The following ARHGEF26 variants were observed in gnomAD, a reference collection of about 807,000 sequenced individuals.
ARHGEF26 encodes Rho guanine nucleotide exchange factor 26.
Under a neutral mutation model 89.4 loss-of-function variants are expected in ARHGEF26, and 59 were observed. The ratio of observed to expected loss-of-function variants is 0.66; its 90% confidence interval spans 0.54 to 0.82. The LOEUF (loss-of-function observed/expected upper bound fraction) is 0.82, where lower values mean the gene tolerates loss of function less well. Ranked by LOEUF, ARHGEF26 falls within the 40% of genes least tolerant of loss-of-function variation. The probability of loss-of-function intolerance (pLI) is 0.00; values close to 1 mark genes in which losing one functional copy is unlikely to be tolerated. For missense variants in ARHGEF26, 1,234 were observed against 1,085.6 expected (o/e 1.14, Z -1.92); for synonymous variants, 500 against 428.4 (o/e 1.17, Z -2.06).
At chr3:154,239,293 AGAGAGAGTGTGTGTGT>A (rs1559920580) in intron 11 of ARHGEF26, among the ~76,000 whole-genome samples, 751 of 58,870 alleles carry the variant, frequency 0.013, 6 homozygotes, top group African/African-American at 0.039. Context: ...AGAGAGAGAG[AGAGAGAGTGTGTGTGT>A]GTGTGTGTGT....
Position 154,256,858 on chromosome 3 carries a change from T to C in ARHGEF26, c.*1385T>C. 2 of 1,533,834 alleles carry C rather than the reference T, an allele frequency of 1.3e-6. No homozygotes were observed. The highest frequency in any genetic ancestry group is 8.7e-7 in the Non-Finnish European group (1 of 1,146,122). ...TGTGAGTTTCTATAGAACTTTACTTTTTCCACTAGTGCACAGAGAGAGAAA... is the reference window on the plus strand; with the variant it reads ...TGTGAGTTTCTATAGAACTTTACTTCTTCCACTAGTGCACAGAGAGAGAAA... On this transcript the variant is annotated 3_prime_UTR_variant, in exon 15 of 15. Coordinates refer to ENST00000465093, the MANE Select transcript of ARHGEF26 (RefSeq NM_015595.4).
At chr3:154,190,278 G>A (rs993347285) in intron 7 of ARHGEF26, among the ~76,000 whole-genome samples, 2 of 152,132 alleles carry the variant, frequency 1.3e-5, no homozygotes, top group Admixed American at 6.5e-5. Context: ...TTGGGAGGCC[G>A]AGGCAGGTGG....
intron 9 of ARHGEF26, among the ~76,000 whole-genome samples, chr3:154,196,110 G>C (rs1714275779): frequency 6.6e-6 from 1 of 151,950 alleles, no homozygotes; most frequent in Admixed American, 6.6e-5. Flanking sequence ...TTGGGGGGCG[G>C]GGATAGGGAA....
At chr3:154,251,574 T>G (rs1398487440) in intron 12 of ARHGEF26, among the ~76,000 whole-genome samples, 3 of 152,172 alleles carry the variant, frequency 2.0e-5, no homozygotes, top group South Asian at 4.1e-4. Flanking sequence ...ACCAGCAATA[T>G]AATAGAATTG....
At chr3:154,219,738 C>T (rs1007558711) in intron 10 of ARHGEF26, among the ~76,000 whole-genome samples, 2 of 151,422 alleles carry the variant, frequency 1.3e-5, no homozygotes, top group African/African-American at 4.9e-5. Context: ...ACAGTGAAAC[C>T]CCTTTTCTAC....
At position 154,256,559 on chromosome 3, in the gene ARHGEF26, A is replaced by C. The variant is rs895178070; in HGVS notation, c.*1086A>C. ...ACTTTCTAATTAATTAAAAAAAAAA[A>C]AAAAAAAAAAAAAAAACCTTCCCAA... On this transcript the variant is annotated 3_prime_UTR_variant, in exon 15 of 15. Transcript: ENST00000465093. 1 of 995,806 alleles carries C rather than the reference A, an allele frequency of 1.0e-6. No homozygotes were observed. The highest frequency in any genetic ancestry group is 1.2e-6 in the Non-Finnish European group (1 of 838,376). The allele number at this position is 995,806 out of a possible 1,614,324, so 61.7% of individuals were successfully genotyped here. A position where few individuals can be genotyped will look rare whatever the true frequency, so the allele number is the denominator to read the frequency against.
chr3:154,143,655 C>G (rs1402008141), intron 4 of ARHGEF26, among the ~76,000 whole-genome samples: 2 of 152,154 alleles, frequency 1.3e-5, no homozygotes, highest in Non-Finnish European at 2.9e-5. Flanking sequence ...AGACTGAAAG[C>G]TGCTTAACTT....
intron 4 of ARHGEF26, among the ~76,000 whole-genome samples, chr3:154,142,362 C>G (rs772586623): frequency 1.3e-5 from 2 of 151,982 alleles, no homozygotes; most frequent in Admixed American, 6.5e-5. Flanking sequence ...GTCACTGCGC[C>G]CAGCCAATAA....
intron 9 of ARHGEF26, among the ~76,000 whole-genome samples, chr3:154,215,065 A>G (rs1212526853): frequency 2.0e-5 from 3 of 152,194 alleles, no homozygotes. Flanking sequence ...TCCCCCACTG[A>G]AAGCATGCTG....
intron 8 of ARHGEF26, among the ~76,000 whole-genome samples, chr3:154,193,549 G>C (rs879301702): frequency 3.6e-5 from 3 of 82,896 alleles, no homozygotes; most frequent in Non-Finnish European, 7.5e-5. Context: ...TGTTTCTCAT[G>C]TGTGGAAATC....
intron 9 of ARHGEF26, among the ~76,000 whole-genome samples, chr3:154,195,263 A>G (rs1714219731): frequency 6.6e-6 from 1 of 152,172 alleles, no homozygotes; most frequent in South Asian, 2.1e-4. Flanking sequence ...GCAAGAAAAT[A>G]TTGGAGATTT....
chr3:154,237,575 T>TACAC (rs1322838552), intron 11 of ARHGEF26, among the ~76,000 whole-genome samples: 2 of 58,256 alleles, frequency 3.4e-5, no homozygotes, highest in Non-Finnish European at 6.8e-5. Context: ...CACACACACT[T>TACAC]AACTAGTTTA....
intron 11 of ARHGEF26, among the ~76,000 whole-genome samples, chr3:154,230,088 G>A (rs1716741146): frequency 6.6e-6 from 1 of 152,158 alleles, no homozygotes; most frequent in Non-Finnish European, 1.5e-5. Context: ...TATTTTGTAA[G>A]ATATAGTCCC....
Position 154,227,980 on chromosome 3 carries a change from T to C in ARHGEF26, c.2090+1970T>C, listed in dbSNP as rs539359755. On this transcript the variant is annotated intron_variant, in intron 11 of 14. Coordinates refer to ENST00000465093, the MANE Select transcript of ARHGEF26 (RefSeq NM_015595.4). The stretch of plus-strand genomic sequence containing the variant: ...AGACCTACTCAATAAATATAGACTA[T>C]TGAAAGTCAGAATTAAGGTATATGC... Among the ~76,000 whole-genome samples, 8 of 152,332 alleles carry C rather than the reference T, an allele frequency of 5.3e-5. No homozygotes were observed. In the South Asian group the frequency reaches 1.7e-3, roughly 32 times the overall value.
chr3:154,226,697 C>CACA (rs1559912631), intron 11 of ARHGEF26, among the ~76,000 whole-genome samples: 3 of 119,780 alleles, frequency 2.5e-5, no homozygotes, highest in African/African-American at 8.2e-5. Context: ...ACACACACAC[C>CACA]CCTTCAGCTC....
chr3:154,219,069 TTAAA>T (rs1559907647), intron 10 of ARHGEF26, among the ~76,000 whole-genome samples: 4 of 152,146 alleles, frequency 2.6e-5, no homozygotes. Context: ...CACGCACACT[TTAAA>T]TAGTTTTAAT....
intron 4 of ARHGEF26, 117 bp downstream of exon 4, chr3:154,129,836 CT>C: frequency 8.4e-7 from 1 of 1,192,610 alleles, no homozygotes; most frequent in Non-Finnish European, 1.2e-6. Flanking sequence ...GAGAAAGACT[CT>C]TTTTAGATTG....
chr3:154,203,850 C>CTTT (rs78946220), intron 9 of ARHGEF26, among the ~76,000 whole-genome samples: 1 of 141,518 alleles, frequency 7.1e-6, no homozygotes, highest in Non-Finnish European at 1.5e-5. Context: ...GATAATCTCT[C>CTTT]TTTTTTTTTT....
chr3:154,241,378 G>T (rs890983897), intron 12 of ARHGEF26, among the ~76,000 whole-genome samples: 7 of 152,184 alleles, frequency 4.6e-5, no homozygotes, highest in African/African-American at 7.2e-5. Context: ...CTCCATGTCT[G>T]CCAGGGTTCC....
Sources: allele counts gnomAD v4.1 joint callset (sites outside exome capture counted in the v4.1 genomes callset), GRCh38; gene constraint gnomAD v4.1.1; transcripts MANE v1.5; gene names NCBI Gene and HGNC (gene_info 2026-07-23, HGNC 2026-07-21).